The following RTL4 variants were observed in gnomAD, a reference collection of about 807,000 sequenced individuals.
RTL4 encodes the protein retrotransposon Gag like 4.
A neutral mutation model predicts 5.3 loss-of-function variants in RTL4; 4 were observed. That is an observed-to-expected ratio of 0.75 (90% CI 0.37 to 1.72). The LOEUF is 1.72. Among genes scored for constraint, RTL4 ranks in the 40% most tolerant of loss-of-function variants. The pLI, the probability that RTL4 is intolerant of heterozygous loss-of-function variation, is 0.04. For synonymous variants in RTL4, 98 were observed against 87.3 expected (o/e 1.12, Z -0.68); for missense variants, 260 against 227.1 (o/e 1.14, Z -0.93).
At chrX:112,167,379 G>T in the RTL4 span, among the ~76,000 whole-genome samples, 4 of 111,573 alleles carry the variant, frequency 3.6e-5, no homozygotes, top group Non-Finnish European at 7.5e-5. Context: ...TTGGGCAAAA[G>T]GTTCTACGTT....
chrX:112,297,398 G>A, the RTL4 span, among the ~76,000 whole-genome samples: 7 of 111,734 alleles, frequency 6.3e-5, no homozygotes, highest in African/African-American at 1.9e-4. Context: ...AATGGCAGAA[G>A]GCGAAGAGGA....
At chrX:112,097,622 C>T in the RTL4 span, among the ~76,000 whole-genome samples, 2 of 111,206 alleles carry the variant, frequency 1.8e-5, no homozygotes, top group African/African-American at 3.3e-5. Flanking sequence ...GGTGACAGAC[C>T]GAGAAAGAGA....
the RTL4 span, among the ~76,000 whole-genome samples, chrX:112,155,401 G>A: frequency 9.0e-6 from 1 of 111,316 alleles, no homozygotes; most frequent in Non-Finnish European, 1.9e-5. Flanking sequence ...CCAAGGAAAA[G>A]GCTATTTGCA....
chrX:112,431,933 A>G, the RTL4 span, among the ~76,000 whole-genome samples: 3 of 84,065 alleles, frequency 3.6e-5, no homozygotes, highest in African/African-American at 9.4e-5. Flanking sequence ...TCCTGTGTCC[A>G]TGTGTTCTCA....
At chrX:112,192,851 T>C in the RTL4 span, among the ~76,000 whole-genome samples, 1 of 112,157 alleles carries the variant, frequency 8.9e-6, no homozygotes, top group Admixed American at 9.5e-5. Flanking sequence ...ATGAGTTCTT[T>C]ATTTCTTCAT....
the RTL4 span, among the ~76,000 whole-genome samples, chrX:112,376,404 A>T: frequency 9.0e-6 from 1 of 111,706 alleles, no homozygotes. Context: ...GGCCAAGTTC[A>T]ACTTATGATG....
the RTL4 span, among the ~76,000 whole-genome samples, chrX:112,317,826 G>C: frequency 9.0e-6 from 1 of 111,604 alleles, no homozygotes; most frequent in African/African-American, 3.3e-5. Context: ...TGGTAGAGTT[G>C]GGACTCAAAG....
At chrX:112,094,751 G>A in the RTL4 span, among the ~76,000 whole-genome samples, 1 of 111,534 alleles carries the variant, frequency 9.0e-6, no homozygotes, top group Non-Finnish European at 1.9e-5. Flanking sequence ...GAGAGTAATC[G>A]ACAGTATTTG....
the RTL4 span, among the ~76,000 whole-genome samples, chrX:112,384,178 G>A: frequency 8.9e-6 from 1 of 111,766 alleles, no homozygotes; most frequent in South Asian, 3.7e-4. Flanking sequence ...GTGAGTGCAC[G>A]TTCTGCACCT....
the RTL4 span, among the ~76,000 whole-genome samples, chrX:112,387,529 C>T: frequency 9.0e-6 from 1 of 110,649 alleles, no homozygotes; most frequent in Non-Finnish European, 1.9e-5. Context: ...CTCAGGAAGA[C>T]CCATTCCTAG....
the RTL4 span, among the ~76,000 whole-genome samples, chrX:112,415,794 A>T: frequency 2.7e-5 from 3 of 111,669 alleles, no homozygotes; most frequent in African/African-American, 9.7e-5. Context: ...AGGCTCAGAG[A>T]TGTTAAATAA....
chrX:112,253,439 C>G, the RTL4 span, among the ~76,000 whole-genome samples: 2 of 112,085 alleles, frequency 1.8e-5, no homozygotes, highest in Non-Finnish European at 3.8e-5. Context: ...GAAAACACAG[C>G]CATCTTTATG....
chrX:112,211,504 T>C, the RTL4 span, among the ~76,000 whole-genome samples: 1 of 112,034 alleles, frequency 8.9e-6, no homozygotes, highest in Non-Finnish European at 1.9e-5. Context: ...CAGAGTAAGA[T>C]GGTATTTAAT....
At chrX:112,326,837 G>A in the RTL4 span, among the ~76,000 whole-genome samples, 1 of 111,542 alleles carries the variant, frequency 9.0e-6, no homozygotes, top group Non-Finnish European at 1.9e-5. Flanking sequence ...TCCTCAAGTG[G>A]GTCCCTGACC....
the RTL4 span, among the ~76,000 whole-genome samples, chrX:112,303,773 T>A: frequency 1.9e-5 from 2 of 103,897 alleles, no homozygotes; most frequent in African/African-American, 7.2e-5. Context: ...TAAAAAAAAT[T>A]AAAAAAAAAG....
At chrX:112,162,672 C>A in the RTL4 span, among the ~76,000 whole-genome samples, 1 of 111,860 alleles carries the variant, frequency 8.9e-6, no homozygotes, top group African/African-American at 3.2e-5. Context: ...TACTAGGAAA[C>A]CTTTGTTAAT....
At chrX:112,346,451 AG>A in the RTL4 span, among the ~76,000 whole-genome samples, 4 of 111,818 alleles carry the variant, frequency 3.6e-5, no homozygotes, top group Middle Eastern at 4.6e-3. Flanking sequence ...TGGACTCAAA[AG>A]CTGTTTTTCC....
the RTL4 span, among the ~76,000 whole-genome samples, chrX:112,226,567 A>T: frequency 9.0e-6 from 1 of 111,696 alleles, no homozygotes; most frequent in South Asian, 3.7e-4. Context: ...ATATATAGAG[A>T]GATAGTCACC....
chrX:112,398,844 T>C, the RTL4 span, among the ~76,000 whole-genome samples: 3 of 112,360 alleles, frequency 2.7e-5, no homozygotes, highest in East Asian at 5.6e-4. Context: ...AGAGAACAAG[T>C]CTCACCTCTT....
Sources: gnomAD v4.1 joint callset for allele counts (sites outside exome capture counted in the v4.1 genomes callset) on GRCh38, gnomAD v4.1.1 for gene constraint, MANE v1.5 for transcripts, NCBI Gene and HGNC (gene_info 2026-07-23, HGNC 2026-07-21) for gene names.